Variants in CDKAL1 observed in about 807,000 individuals in gnomAD.
CDKAL1 encodes threonylcarbamoyladenosine tRNA methylthiotransferase.
A neutral mutation model predicts 68.2 loss-of-function variants in CDKAL1; 32 were observed. That is an observed-to-expected ratio of 0.47 (90% confidence interval 0.35 to 0.63). The LOEUF (loss-of-function observed/expected upper bound fraction) is 0.63, where lower values mean the gene tolerates loss of function less well. Ranked by LOEUF, CDKAL1 falls within the 30% of genes least tolerant of loss-of-function variation. CDKAL1 has a pLI of 0.00. For missense variants in CDKAL1, 606 were observed against 696.7 expected (o/e 0.87, Z 1.47); for synonymous variants, 234 against 244.3 (o/e 0.96, Z 0.39).
intron 5 of CDKAL1, among the ~76,000 whole-genome samples, chr6:20,715,074 TCTA>T (rs1210452289): frequency 2.6e-5 from 4 of 152,224 alleles, no homozygotes; most frequent in Non-Finnish European, 5.9e-5. Context: ...GCAGTTATAA[TCTA>T]CTCATTTAGC....
rs572119016 is a variant in CDKAL1, at chr6:20,739,586, G to C, written c.439G>C (p.Asp147His). The change falls in exon 6 of 16, where the codon GAC becomes CAC. Residue 147 changes from aspartate to histidine, a missense_variant. Transcript: ENST00000274695. The stretch of plus-strand genomic sequence containing the variant: ...CGTTCCTCAAGCCCAGCCTCGCCAG[G>C]ACTACCTTAAGGGACTGAGTATCAT... Reference protein sequence around the residue: ...GCVPQAQPRQDYLKGLSIIGV... With the variant: ...GCVPQAQPRQHYLKGLSIIGV... The C allele has an allele frequency of 1.8e-4, 288 of 1,612,652 alleles. 4 individuals carry two copies. In the South Asian group the frequency reaches 3.0e-3, roughly 17 times the overall value.
In CDKAL1 at chr6:20,627,421, A is replaced by G. The variant is rs541509114; in HGVS notation, c.287-21872A>G. Among the ~76,000 whole-genome samples the G allele has an allele frequency of 1.5e-4, 23 of 152,302 alleles. No individual in the cohort carries two copies. In the South Asian group the frequency reaches 4.8e-3, roughly 32 times the overall value. ...TGTGGCAGTGAGTGAAATTCCTTAA[A>G]CAATCTGCTATACTTATTTATGATC... On this transcript the variant is annotated intron_variant, in intron 4 of 15. Coordinates refer to ENST00000274695, the MANE Select transcript of CDKAL1 (RefSeq NM_017774.3).
intron 13 of CDKAL1, among the ~76,000 whole-genome samples, chr6:21,188,698 T>C (rs964364765): frequency 6.6e-6 from 1 of 152,152 alleles, no homozygotes; most frequent in African/African-American, 2.4e-5. Flanking sequence ...TGACAGAGCT[T>C]GCCCAGTGTG....
chr6:20,727,546 C>G (rs1772711875), intron 5 of CDKAL1, among the ~76,000 whole-genome samples: 1 of 152,068 alleles, frequency 6.6e-6, no homozygotes. Flanking sequence ...AAATAAGGGT[C>G]ATTTGTAAGG....
intron 10 of CDKAL1, among the ~76,000 whole-genome samples, chr6:20,997,118 G>A (rs1189926378): frequency 6.6e-6 from 1 of 152,172 alleles, no homozygotes; most frequent in Non-Finnish European, 1.5e-5. Context: ...GAAATGCAGA[G>A]GGAAGAGTAA....
intron 9 of CDKAL1, among the ~76,000 whole-genome samples, chr6:20,935,945 C>G (rs1763684531): frequency 6.6e-6 from 1 of 152,116 alleles, no homozygotes; most frequent in African/African-American, 2.4e-5. Flanking sequence ...TTTTTTCTTT[C>G]CTCGGAGACA....
chr6:20,875,161 C>T (rs1229284509), intron 9 of CDKAL1, among the ~76,000 whole-genome samples: 1 of 151,256 alleles, frequency 6.6e-6, no homozygotes, highest in Non-Finnish European at 1.5e-5. Flanking sequence ...TAGCCGGGCG[C>T]GGTGGCAGGC....
At chr6:20,971,330 C>T (rs748842527) in intron 10 of CDKAL1, among the ~76,000 whole-genome samples, 5 of 152,162 alleles carry the variant, frequency 3.3e-5, no homozygotes, top group African/African-American at 7.2e-5. Context: ...TTCACTATGC[C>T]GTGTCACACC....
intron 4 of CDKAL1, among the ~76,000 whole-genome samples, chr6:20,646,905 G>C (rs541335863): frequency 6.6e-6 from 1 of 151,988 alleles, no homozygotes; most frequent in Non-Finnish European, 1.5e-5. Context: ...CCCCACGCCC[G>C]GCTAATTTTT....
intron 8 of CDKAL1, among the ~76,000 whole-genome samples, chr6:20,826,876 T>C (rs558922714): frequency 6.6e-6 from 1 of 152,278 alleles, no homozygotes; most frequent in East Asian, 1.9e-4. Flanking sequence ...GTTCACAAAA[T>C]TAGCAAAAGA....
intron 13 of CDKAL1, among the ~76,000 whole-genome samples, chr6:21,194,537 G>A (rs62404542): frequency 0.011 from 1,738 of 152,306 alleles, 13 homozygotes; most frequent in Middle Eastern, 0.017. Flanking sequence ...CTTTTCTGCA[G>A]ATGCCCTGCC....
At chr6:21,184,741 C>T (rs1777938340) in intron 13 of CDKAL1, among the ~76,000 whole-genome samples, 2 of 152,034 alleles carry the variant, frequency 1.3e-5, no homozygotes, top group African/African-American at 2.4e-5. Flanking sequence ...GCCTTGACCT[C>T]CTGGGCACAA....
intron 8 of CDKAL1, among the ~76,000 whole-genome samples, chr6:20,842,106 G>A (rs1345579240): frequency 1.3e-5 from 2 of 152,074 alleles, no homozygotes; most frequent in Admixed American, 6.6e-5. Flanking sequence ...TCTTCTAAAG[G>A]TTTCTATTGT....
At chr6:21,016,552 A>C (rs1263405651) in intron 11 of CDKAL1, among the ~76,000 whole-genome samples, 1 of 150,126 alleles carries the variant, frequency 6.7e-6, no homozygotes, top group Non-Finnish European at 1.5e-5. Context: ...TATGTTGGCC[A>C]CCCCCTCCTC....
At chr6:20,956,204 C>T (rs1764767937) in intron 10 of CDKAL1, among the ~76,000 whole-genome samples, 1 of 152,192 alleles carries the variant, frequency 6.6e-6, no homozygotes, top group Non-Finnish European at 1.5e-5. Context: ...TTGTTTTTCA[C>T]TTATCAACAT....
At chr6:21,072,676 C>CTTTTTTTTTTTTTTTT (rs66763305) in intron 12 of CDKAL1, among the ~76,000 whole-genome samples, 2 of 131,196 alleles carry the variant, frequency 1.5e-5, no homozygotes, top group Non-Finnish European at 1.6e-5. Flanking sequence ...AATAGAGTAT[C>CTTTTTTTTTTTTTTTT]TTTTTTTTTT....
intron 9 of CDKAL1, among the ~76,000 whole-genome samples, chr6:20,906,681 G>T (rs1224748419): frequency 6.6e-6 from 1 of 152,040 alleles, no homozygotes; most frequent in Non-Finnish European, 1.5e-5. Context: ...GGGACCATTT[G>T]TATACAAAAG....
chr6:21,150,545 C>A lies in CDKAL1; in HGVS notation c.1299+42082C>A, dbSNP rs1248662603. The stretch of plus-strand genomic sequence containing the variant: ...ATGAAGGCAAATATAGCCAAAGCCT[C>A]CATAAAACTTGCTTTAAACTTGGCT... On this transcript the variant is annotated intron_variant, in intron 13 of 15. Transcript: ENST00000274695. 2.0e-5 allele frequency among the ~76,000 whole-genome samples: 3 copies of A among 152,162 alleles called. 1 individual carries two copies. Among genetic ancestry groups the A allele is most frequent in the South Asian group, 4.1e-4 (2 of 4,832 alleles).
At chr6:20,547,472 T>A (rs533471092) in intron 3 of CDKAL1, among the ~76,000 whole-genome samples, 2 of 152,332 alleles carry the variant, frequency 1.3e-5, no homozygotes, top group South Asian at 4.1e-4. Flanking sequence ...AATAAATTAT[T>A]GCCCTATTTA....
Sources: gnomAD v4.1 joint callset for allele counts (sites outside exome capture counted in the v4.1 genomes callset) on GRCh38, gnomAD v4.1.1 for gene constraint, MANE v1.5 for transcripts, NCBI Gene and HGNC (gene_info 2026-07-23, HGNC 2026-07-21) for gene names.